The following NGEF variants were observed in gnomAD, a reference collection of about 807,000 sequenced individuals.
NGEF encodes the protein ephexin-1.
NGEF carries 31 observed loss-of-function variants against 80.9 expected under a neutral mutation model. That is an observed-to-expected ratio of 0.38 (90% CI 0.29 to 0.52). The LOEUF (loss-of-function observed/expected upper bound fraction) is 0.52. Among genes scored for constraint, NGEF ranks in the 20% least tolerant of loss-of-function variants. The pLI, the probability that NGEF is intolerant of heterozygous loss-of-function variation, is 0.84. For synonymous variants in NGEF, 371 were observed against 370.2 expected (o/e 1.00, Z -0.03); for missense variants, 709 against 926.2 (o/e 0.77, Z 3.04).
chr2:232,948,877 G>T (rs1042947697), intron 3 of NGEF, among the ~76,000 whole-genome samples: 1 of 152,024 alleles, frequency 6.6e-6, no homozygotes, highest in Non-Finnish European at 1.5e-5. Flanking sequence ...AATTAGCCAG[G>T]CGTGGTGGTG....
chr2:232,946,337 A>T (rs911288446), intron 3 of NGEF, among the ~76,000 whole-genome samples: 1 of 152,176 alleles, frequency 6.6e-6, no homozygotes, highest in African/African-American at 2.4e-5. Flanking sequence ...TGCAGTGTAT[A>T]CTGCTCGGCT....
intron 1 of NGEF, among the ~76,000 whole-genome samples, chr2:233,000,185 A>G (rs1574663699): frequency 6.6e-6 from 1 of 152,026 alleles, no homozygotes; most frequent in Non-Finnish European, 1.5e-5. Context: ...AACCTCCACC[A>G]CCCGGACTCA....
intron 2 of NGEF, among the ~76,000 whole-genome samples, chr2:232,971,915 C>A (rs1036650946): frequency 6.6e-6 from 1 of 152,138 alleles, no homozygotes; most frequent in Non-Finnish European, 1.5e-5. Context: ...AAGACTTCCC[C>A]GACCCCCAAC....
chr2:232,921,073 T>G (rs1692932393), intron 4 of NGEF, among the ~76,000 whole-genome samples: 1 of 152,242 alleles, frequency 6.6e-6, no homozygotes, highest in Admixed American at 6.5e-5. Context: ...ATCTTATGAT[T>G]TAAAAAGGGA....
chr2:232,903,774 A>T (rs990270061), intron 5 of NGEF, among the ~76,000 whole-genome samples: 3 of 152,244 alleles, frequency 2.0e-5, no homozygotes, highest in Non-Finnish European at 4.4e-5. Context: ...TCTAAACAGA[A>T]AAATATATAA....
chr2:232,970,402 G>C (rs1694161635), intron 2 of NGEF, 74 bp from the exon 3 acceptor site: 5 of 965,414 alleles, frequency 5.2e-6, no homozygotes, highest in Middle Eastern at 2.1e-4. Flanking sequence ...TGTAAGCCTA[G>C]GACAGTAGCA....
chr2:232,920,436 C>T lies in NGEF; in HGVS notation c.676G>A (p.Glu226Lys), dbSNP rs1472374745. 2.5e-6 allele frequency: 4 copies of T among 1,609,056 alleles called. No individual in the cohort carries two copies. In the African/African-American group the frequency reaches 4.0e-5, roughly 16 times the overall value. ...TTCCTCTCTGGTGGGCTGGCCGGCT[C>T]CTCCTCCTCCTCCTCTTCTTCTTCC... ...EEEEEEEEEEEPASPPERKTL... is the reference protein window; with the variant it reads ...EEEEEEEEEEKPASPPERKTL... Residue 226 changes from glutamate to lysine, a missense_variant, in exon 5 of 15, where the codon GAG (glutamate) becomes AAG (lysine). By Grantham distance (56) the Glu-to-Lys change is moderately conservative. This residue lies in a region of NGEF where 283 missense variants were observed against 303.4 expected (regional missense o/e 0.93). Coordinates refer to ENST00000264051, the MANE Select transcript of NGEF (RefSeq NM_019850.3).
chr2:232,968,242 C>T (rs1182453146), intron 3 of NGEF, among the ~76,000 whole-genome samples: 5 of 151,798 alleles, frequency 3.3e-5, no homozygotes, highest in East Asian at 1.9e-4. Context: ...GCATGTGCCA[C>T]CATGCCTGGC....
rs189026040 is a variant in NGEF, at chr2:232,957,881, G to A, written c.383+12333C>T. On this transcript the variant is annotated intron_variant, in intron 3 of 14. Coordinates refer to ENST00000264051, the MANE Select transcript of NGEF (RefSeq NM_019850.3). ...TATGCCCCTTCAACTTCTCAAAGGG[G>A]AAAAACATTTAGAACTGCTGAAAAT... Among the ~76,000 whole-genome samples the A allele has an allele frequency of 1.7e-3, 255 of 152,264 alleles. 2 individuals carry two copies. The Middle Eastern group carries it at 0.017, about 10-fold the overall frequency.
At chr2:232,966,330 G>T (rs568960070) in intron 3 of NGEF, among the ~76,000 whole-genome samples, 1 of 152,282 alleles carries the variant, frequency 6.6e-6, no homozygotes, top group Admixed American at 6.5e-5. Context: ...TTTCAAATCA[G>T]TTCACAGCTG....
In NGEF at chr2:232,896,060, C is replaced by T. The variant is rs1298541510; in HGVS notation, c.829-1144G>A. Among the ~76,000 whole-genome samples, 4 of 108,428 alleles carry T rather than the reference C, an allele frequency of 3.7e-5. No homozygotes were observed. In the South Asian group the frequency reaches 8.7e-4, roughly 23 times the overall value. The allele number at this position is 108,428 out of a possible 152,430, so 71.1% of individuals were successfully genotyped here. On this transcript the variant is annotated intron_variant, in intron 5 of 14. Coordinates refer to ENST00000264051, the MANE Select transcript of NGEF (RefSeq NM_019850.3). ...CCCCGTCACCCTCTGATACTTAGGG[C>T]GGGTTCAGGTCCCACAGTCGCTTCC...
chr2:232,939,256 T>C (rs1308022324), intron 3 of NGEF, among the ~76,000 whole-genome samples: 1 of 150,500 alleles, frequency 6.6e-6, no homozygotes, highest in Non-Finnish European at 1.5e-5. Context: ...GAGTTATTCA[T>C]CTTAAATCAC....
rs10663890 is a variant in NGEF, at chr2:232,959,579, CT to C, written c.383+10634del. ...CAATGGGCGATTCCACAGCAATGACCTTTTTTTTTTTTTTTTTAAGACAGAG... is the reference window on the plus strand; with the variant it reads ...CAATGGGCGATTCCACAGCAATGACCTTTTTTTTTTTTTTTTAAGACAGAG... On this transcript the variant is annotated intron_variant, in intron 3 of 14. Coordinates refer to ENST00000264051, the MANE Select transcript of NGEF (RefSeq NM_019850.3). Among the ~76,000 whole-genome samples, 858 of 139,890 alleles carry C rather than the reference CT, an allele frequency of 6.1e-3. 5 individuals carry two copies. Among genetic ancestry groups the C allele is most frequent in the Middle Eastern group, 0.014 (4 of 276 alleles). The allele number at this position is 139,890 out of a possible 152,430, so 91.8% of individuals were successfully genotyped here. A position where few individuals can be genotyped will look rare whatever the true frequency, so the allele number is the denominator to read the frequency against.
intron 1 of NGEF, among the ~76,000 whole-genome samples, chr2:232,978,004 C>A (rs1269855065): frequency 6.6e-6 from 1 of 152,090 alleles, no homozygotes; most frequent in Non-Finnish European, 1.5e-5. Context: ...GGGGTCAGAG[C>A]ACACTGGTTT....
chr2:232,882,620 G>A (rs1691540794), intron 12 of NGEF, among the ~76,000 whole-genome samples: 2 of 152,340 alleles, frequency 1.3e-5, no homozygotes, highest in South Asian at 4.1e-4. Flanking sequence ...TTCTCATCCC[G>A]ACAGGTCCTG....
At chr2:232,911,333 T>C (rs1257766775) in intron 5 of NGEF, among the ~76,000 whole-genome samples, 2 of 152,196 alleles carry the variant, frequency 1.3e-5, no homozygotes, top group African/African-American at 2.4e-5. Flanking sequence ...TGTGGGTTTA[T>C]TTCTGAATTT....
At chr2:232,955,707 C>T (rs143925345) in intron 3 of NGEF, among the ~76,000 whole-genome samples, 158 of 152,018 alleles carry the variant, frequency 1.0e-3, no homozygotes, top group African/African-American at 3.6e-3. Context: ...GTAGTAGAGA[C>T]GGGGTTTCAC....
intron 1 of NGEF, among the ~76,000 whole-genome samples, chr2:232,993,798 T>C (rs2106336454): frequency 6.6e-6 from 1 of 152,218 alleles, no homozygotes. Flanking sequence ...TTTTGCTAAG[T>C]GAAAGAAGCC....
At chr2:232,972,746 T>A (rs1694220352) in intron 2 of NGEF, among the ~76,000 whole-genome samples, 1 of 21,828 alleles carries the variant, frequency 4.6e-5, no homozygotes, top group African/African-American at 4.9e-4. Context: ...TCCTTATCCT[T>A]TTTTTTTTTT....
Sources: gnomAD v4.1 joint callset for allele counts (sites outside exome capture counted in the v4.1 genomes callset) on GRCh38, gnomAD v4.1.1 for gene constraint, gnomAD v4.1.1 regional missense constraint, MANE v1.5 for transcripts, NCBI Gene and HGNC (gene_info 2026-07-23, HGNC 2026-07-21) for gene names.